The following RTTN variants were observed in gnomAD, a reference collection of about 807,000 sequenced individuals.
The protein encoded by RTTN is rotatin.
Under a neutral mutation model 269.2 loss-of-function variants are expected in RTTN, and 182 were observed. The ratio of observed to expected loss-of-function variants is 0.68; its 90% confidence interval spans 0.60 to 0.76. The LOEUF (loss-of-function observed/expected upper bound fraction) is 0.76. RTTN is among the 30% of genes least tolerant of loss of function. The pLI is 0.00. For synonymous variants in RTTN, 1,006 were observed against 963.5 expected (o/e 1.04, Z -0.82); for missense variants, 2,545 against 2,608.6 (o/e 0.98, Z 0.53).
intron 10 of RTTN, among the ~76,000 whole-genome samples, chr18:70,183,295 T>C (rs998619787): frequency 2.0e-5 from 3 of 152,196 alleles, no homozygotes; most frequent in African/African-American, 4.8e-5. Flanking sequence ...GGGAGAGCTA[T>C]GCAAAGAAAG....
intron 40 of RTTN, among the ~76,000 whole-genome samples, chr18:70,045,693 C>T (rs2057470989): frequency 6.6e-6 from 1 of 152,170 alleles, no homozygotes; most frequent in African/African-American, 2.4e-5. Context: ...CAGGAGTATA[C>T]TTCCTCTCTT....
At chr18:70,197,775 T>C in intron 5 of RTTN, 37 bp from the exon 6 acceptor site, 1 of 1,325,766 alleles carries the variant, frequency 7.5e-7, no homozygotes, top group Non-Finnish European at 1.1e-6. Flanking sequence ...TAAGAAGAGT[T>C]CATCTATTCC....
In RTTN at chr18:70,088,056, C is replaced by A; in HGVS notation, c.4235G>T (p.Gly1412Val). Residue 1412 changes from glycine to valine, a missense_variant, in exon 31 of 49, where the codon GGT becomes GTT. By Grantham distance (109) the Gly-to-Val change is moderately radical. Transcript: ENST00000640769. ...GTTCACCACAGTTCCCCAGAGCCCA[C>A]CGGAAATGTTCTGACAACTGTTTGC... The part of the protein sequence containing the change: ...ALANSCQNIS[G>V]GLWGTVVNIL... The A allele has an allele frequency of 6.2e-7, 1 of 1,613,962 alleles. No homozygotes were observed. The highest frequency in any genetic ancestry group is 1.7e-4 in the Middle Eastern group (1 of 6,060).
At position 70,128,436 on chromosome 18, in the gene RTTN, C is replaced by T; in HGVS notation, c.3065G>A (p.Arg1022Lys). 6.2e-7 allele frequency: 1 copy of T among 1,613,402 alleles called. No individual in the cohort carries two copies. The highest frequency in any genetic ancestry group is 1.1e-5 in the South Asian group (1 of 91,056). Reference sequence around the variant, plus strand: ...ATACCATGACAGGTTCCAAGCTATTCTCAGCATATCTGACACCGGCTTCAA... The same window carrying T: ...ATACCATGACAGGTTCCAAGCTATTTTCAGCATATCTGACACCGGCTTCAA... The part of the protein sequence containing the change: ...LALKPVSDML[R>K]IAWNLSWYHG... The change falls in exon 24 of 49, where the codon AGA (arginine) becomes AAA (lysine). Residue 1022 changes from arginine (R) to lysine (K), a missense_variant. Coordinates refer to ENST00000640769, the MANE Select transcript of RTTN (RefSeq NM_173630.4).
intron 33 of RTTN, 71 bp from the exon 34 acceptor site, chr18:70,074,065 C>A: frequency 9.4e-7 from 1 of 1,065,826 alleles, no homozygotes; most frequent in Non-Finnish European, 1.4e-6. Flanking sequence ...AAAGGGTACG[C>A]ATTACAGGAA....
chr18:70,090,509 G>A (rs1253959975), intron 30 of RTTN, among the ~76,000 whole-genome samples: 1 of 152,224 alleles, frequency 6.6e-6, no homozygotes, highest in African/African-American at 2.4e-5. Context: ...GAGATGAGGT[G>A]AGGTGAATGA....
At chr18:70,031,873 A>C (rs1323884544) in intron 40 of RTTN, among the ~76,000 whole-genome samples, 2 of 152,016 alleles carry the variant, frequency 1.3e-5, no homozygotes, top group Non-Finnish European at 2.9e-5. Flanking sequence ...GGGGCTACCA[A>C]GCACCACAAC....
chr18:70,017,291 G>C (rs1020723304), intron 46 of RTTN, 116 bp downstream of exon 46: 13 of 1,014,308 alleles, frequency 1.3e-5, no homozygotes, highest in Non-Finnish European at 1.9e-5. Flanking sequence ...ACAGTGCTTT[G>C]AACACAGTGG....
At chr18:70,134,035 G>A (rs761117889) in intron 23 of RTTN, among the ~76,000 whole-genome samples, 3 of 152,078 alleles carry the variant, frequency 2.0e-5, no homozygotes, top group Non-Finnish European at 2.9e-5. Context: ...GGATCATATT[G>A]TAGCAGTTAT....
At chr18:70,044,148 G>A (rs2144743180) in intron 40 of RTTN, among the ~76,000 whole-genome samples, 2 of 152,216 alleles carry the variant, frequency 1.3e-5, no homozygotes, top group African/African-American at 4.8e-5. Flanking sequence ...GTAAAAAATA[G>A]GCTTTTTAAT....
At chr18:70,009,271 G>C (rs1218849736) in intron 46 of RTTN, among the ~76,000 whole-genome samples, 2 of 152,018 alleles carry the variant, frequency 1.3e-5, no homozygotes, top group African/African-American at 4.8e-5. Flanking sequence ...GAGTAGCTGG[G>C]ACGACAGGTG....
At position 70,103,887 on chromosome 18, in the gene RTTN, G is replaced by A. The variant is rs929845697; in HGVS notation, c.3903+5611C>T. On this transcript the variant is annotated intron_variant, in intron 28 of 48. Coordinates refer to ENST00000640769, the MANE Select transcript of RTTN (RefSeq NM_173630.4). Reference sequence around the variant, plus strand: ...TAGTCTGACGGGCTTCCCTTTGCGTGTAACGGGACCTTTCTCTCTGGCTGC... The same window carrying A: ...TAGTCTGACGGGCTTCCCTTTGCGTATAACGGGACCTTTCTCTCTGGCTGC... Among the ~76,000 whole-genome samples, 17 of 151,992 alleles carry A rather than the reference G, an allele frequency of 1.1e-4. 1 individual carries two copies. The Middle Eastern group carries it at 0.01, about 92-fold the overall frequency.
chr18:70,110,722 G>A lies in RTTN; in HGVS notation c.3684-1005C>T, dbSNP rs117117378. 1.7e-4 allele frequency among the ~76,000 whole-genome samples: 26 copies of A among 152,296 alleles called. No individual in the cohort carries two copies. In the East Asian group the frequency reaches 3.5e-3, roughly 20 times the overall value. On this transcript the variant is annotated intron_variant, in intron 27 of 48. Transcript: ENST00000640769. ...GCAGCGAGACAGAAGTGTTCACTCC[G>A]CTGGAAAGGGGTGCTGAAGCCAGGG...
chr18:70,004,084 C>A lies in RTTN; in HGVS notation c.*67G>T. 1 of 1,200,850 alleles carries A rather than the reference C, an allele frequency of 8.3e-7. No homozygotes were observed. 74.4% of individuals were successfully genotyped at this position (1,200,850 alleles called of 1,614,324 possible). On this transcript the variant is annotated 3_prime_UTR_variant, in exon 49 of 49. Transcript: ENST00000640769. ...GTCTTCAGGTAACAGCTGCTACACACAGCTGGCTTCAACTTTAGCTCCCCT... is the reference window on the plus strand; with the variant it reads ...GTCTTCAGGTAACAGCTGCTACACAAAGCTGGCTTCAACTTTAGCTCCCCT...
At position 70,017,415 on chromosome 18, in the gene RTTN, A is replaced by G; in HGVS notation, c.6413T>C (p.Leu2138Pro). Residue 2138 changes from leucine to proline, a missense_variant, in exon 46 of 49, where the codon CTG becomes CCG. Leu to Pro is a moderately conservative substitution (Grantham distance 98). Transcript: ENST00000640769. ...TGTGTGTGAAAACTTACCATTAGCC[A>G]GGATCTTGGGTTTATTTGCAGGACT... ...CFSPANKPKILANEKVITVLA... is the reference protein window; with the variant it reads ...CFSPANKPKIPANEKVITVLA... 1 of 1,613,678 alleles carries G rather than the reference A, an allele frequency of 6.2e-7. No individual in the cohort carries two copies. Among genetic ancestry groups the G allele is most frequent in the Non-Finnish European group, 8.5e-7 (1 of 1,179,758 alleles).
intron 5 of RTTN, 54 bp downstream of exon 5, chr18:70,199,360 A>C: frequency 8.3e-7 from 1 of 1,206,354 alleles, no homozygotes; most frequent in South Asian, 1.3e-5. Context: ...ATAACTATCA[A>C]ACTTAATGAC....
At chr18:70,049,729 T>C (rs184750308) in intron 39 of RTTN, among the ~76,000 whole-genome samples, 70 of 152,284 alleles carry the variant, frequency 4.6e-4, no homozygotes, top group Admixed American at 1.2e-3. Flanking sequence ...ACAGCTTTTT[T>C]CTATGCTAAA....
At chr18:70,131,311 C>T (rs937370435) in intron 23 of RTTN, 3 of 150,944 alleles carry the variant, frequency 2.0e-5, no homozygotes, top group African/African-American at 7.3e-5. Flanking sequence ...TGACTATTTA[C>T]TGCATAAAAT....
chr18:70,149,859 G>T lies in RTTN; in HGVS notation c.2172+112C>A, dbSNP rs1288320146. 27 of 805,104 alleles carry T rather than the reference G, an allele frequency of 3.4e-5. 1 individual carries two copies. The East Asian group carries it at 5.8e-4, about 17-fold the overall frequency. The allele number at this position is 805,104 out of a possible 1,614,324, so 49.9% of individuals were successfully genotyped here. A position where few individuals can be genotyped will look rare whatever the true frequency, so the allele number is the denominator to read the frequency against. ...TTCACTTATCCCCAGCGCCTTCACA[G>T]CTTCTCTTCATTTCTCTCACAACTT... On this transcript the variant is annotated intron_variant, in intron 16 of 48. Coordinates refer to ENST00000640769, the MANE Select transcript of RTTN (RefSeq NM_173630.4).
Sources: allele counts gnomAD v4.1 joint callset (sites outside exome capture counted in the v4.1 genomes callset), GRCh38; gene constraint gnomAD v4.1.1; transcripts MANE v1.5; gene names NCBI Gene and HGNC (gene_info 2026-07-23, HGNC 2026-07-21).